Variants in POF1B observed in about 807,000 individuals in gnomAD.
POF1B encodes protein POF1B.
In POF1B, 53 loss-of-function variants were observed where a neutral mutation model predicts 55.3. The observed-to-expected ratio is 0.96, with a 90% CI of 0.77 to 1.20. POF1B has a LOEUF of 1.20. POF1B is among the 50% of genes most tolerant of loss of function. The probability of loss-of-function intolerance (pLI) is 0.00; values close to 1 mark genes in which losing one functional copy is unlikely to be tolerated. For missense variants in POF1B, 478 were observed against 420.5 expected (o/e 1.14, Z -1.20); for synonymous variants, 188 against 148.3 (o/e 1.27, Z -1.95).
chrX:85,315,874 G>A (rs1028185112), intron 7 of POF1B, 140 bp from the exon 8 acceptor site: 1 of 473,118 alleles, frequency 2.1e-6, no homozygotes, highest in Admixed American at 5.6e-5. Context: ...AAGTGAAAAT[G>A]TTAAAACTAA....
intron 3 of POF1B, among the ~76,000 whole-genome samples, chrX:85,361,426 A>T (rs918009255): frequency 2.7e-5 from 3 of 111,607 alleles, no homozygotes; most frequent in African/African-American, 9.8e-5. Context: ...TCTTCTGCAT[A>T]TGGCTAGCCA....
In POF1B at chrX:85,330,134, T is replaced by C. The variant is rs12843133; in HGVS notation, c.854+815A>G. Among the ~76,000 whole-genome samples the C allele has an allele frequency of 5.7e-3, 631 of 109,964 alleles. 2 individuals are homozygous for C. Among genetic ancestry groups the C allele is most frequent in the Non-Finnish European group, 0.011 (556 of 52,701 alleles). On this transcript the variant is annotated intron_variant, in intron 7 of 16. Coordinates refer to ENST00000262753, the MANE Select transcript of POF1B (RefSeq NM_024921.4). ...TGGCCACAGATATGCTGTAATTATA[T>C]AGTAGAAGGCACCTTTTGGGGTGTA...
intron 9 of POF1B, among the ~76,000 whole-genome samples, chrX:85,311,565 G>A (rs1386501188): frequency 1.8e-5 from 2 of 111,760 alleles, no homozygotes; most frequent in Admixed American, 1.9e-4. Flanking sequence ...TGGTGCGTAT[G>A]TCCCACATTA....
chrX:85,304,274 T>A (rs1603032136), intron 14 of POF1B, 69 bp downstream of exon 14: 5 of 953,900 alleles, frequency 5.2e-6, no homozygotes, highest in African/African-American at 4.0e-5. Context: ...CCATGGGAAG[T>A]ATTTATCCTA....
intron 16 of POF1B, 63 bp from the exon 17 acceptor site, chrX:85,279,489 T>C: frequency 9.5e-7 from 1 of 1,051,426 alleles, no homozygotes; most frequent in Admixed American, 2.4e-5. Flanking sequence ...TGTTACTATA[T>C]GCAAAGTTAT....
chrX:85,365,099 A>G (rs1569298743), intron 3 of POF1B, among the ~76,000 whole-genome samples: 1 of 111,622 alleles, frequency 9.0e-6, no homozygotes, highest in Non-Finnish European at 1.9e-5. Flanking sequence ...TTTCAGCTCT[A>G]TCAGATCAGT....
chrX:85,333,002 A>G (rs184012279), intron 6 of POF1B, among the ~76,000 whole-genome samples: 6 of 111,739 alleles, frequency 5.4e-5, no homozygotes, highest in African/African-American at 1.9e-4. Context: ...TAGATAACAT[A>G]TGAAAATAGA....
At chrX:85,336,144 A>G (rs370741555) in intron 6 of POF1B, among the ~76,000 whole-genome samples, 1 of 110,872 alleles carries the variant, frequency 9.0e-6, no homozygotes, top group African/African-American at 3.3e-5. Flanking sequence ...CACTTACTAT[A>G]ATGTCCTCCT....
intron 6 of POF1B, among the ~76,000 whole-genome samples, chrX:85,338,916 T>C (rs1933121494): frequency 9.0e-6 from 1 of 111,506 alleles, no homozygotes; most frequent in Non-Finnish European, 1.9e-5. Context: ...AGATGTCAAG[T>C]AGGCAATTAA....
chrX:85,347,135 T>A (rs1936192233), intron 5 of POF1B, among the ~76,000 whole-genome samples: 1 of 111,269 alleles, frequency 9.0e-6, no homozygotes, highest in African/African-American at 3.3e-5. Context: ...CATACTTGAA[T>A]TTGCTTTCTT....
At chrX:85,331,482 A>G (rs1800890300) in intron 6 of POF1B, among the ~76,000 whole-genome samples, 2 of 111,465 alleles carry the variant, frequency 1.8e-5, no homozygotes, top group Non-Finnish European at 3.8e-5. Context: ...GTACATATTT[A>G]TGAGTTTTAC....
intron 11 of POF1B, 34 bp from the exon 12 acceptor site, chrX:85,306,367 C>A (rs1437439973): frequency 8.5e-7 from 1 of 1,175,483 alleles, no homozygotes; most frequent in Admixed American, 2.4e-5. Flanking sequence ...AAGACAAATG[C>A]ATTTTGTTTT....
intron 15 of POF1B, among the ~76,000 whole-genome samples, chrX:85,294,716 T>A (rs1932271824): frequency 9.0e-6 from 1 of 111,696 alleles, no homozygotes. Flanking sequence ...GGTATCAGGA[T>A]AATGCTGGCT....
rs1477114333 is a variant in POF1B, at chrX:85,379,316, C to T, written c.139G>A (p.Val47Ile). The T allele has an allele frequency of 4.1e-6, 5 of 1,208,037 alleles. No individual in the cohort carries two copies. The highest frequency in any genetic ancestry group is 1.8e-5 in the African/African-American group (1 of 56,590). Residue 47 changes from valine (V) to isoleucine (I), a missense_variant, in exon 2 of 17, where the codon GTA (valine) becomes ATA (isoleucine). Transcript: ENST00000262753. ...SQAQQPPEKN[V>I]VYERVRTYSG... is the part of the protein sequence containing the mutation. ...TAGGTCCTCACTCGCTCATACACTACATTTTTTTCTGGAGGCTGCTGGGCT... is the reference window on the plus strand; with the variant it reads ...TAGGTCCTCACTCGCTCATACACTATATTTTTTTCTGGAGGCTGCTGGGCT...
chrX:85,349,787 C>G (rs1159785604), intron 5 of POF1B, among the ~76,000 whole-genome samples: 1 of 111,154 alleles, frequency 9.0e-6, no homozygotes, highest in African/African-American at 3.3e-5. Flanking sequence ...GCCTCCAGAA[C>G]TGTGAGACAA....
intron 3 of POF1B, among the ~76,000 whole-genome samples, 175 bp from the exon 4 acceptor site, chrX:85,359,805 GT>G (rs1315583657): frequency 9.0e-6 from 1 of 111,122 alleles, no homozygotes; most frequent in Non-Finnish European, 1.9e-5. Context: ...AAAAGCATGT[GT>G]TCTGTGCCCA....
chrX:85,326,398 C>T (rs1932897477), intron 7 of POF1B, among the ~76,000 whole-genome samples: 1 of 109,820 alleles, frequency 9.1e-6, no homozygotes, highest in Non-Finnish European at 1.9e-5. Context: ...TGCGGATTCA[C>T]ACAGGCGGCA....
At chrX:85,312,268 G>T (rs1485967425) in intron 9 of POF1B, among the ~76,000 whole-genome samples, 2 of 111,680 alleles carry the variant, frequency 1.8e-5, no homozygotes, top group African/African-American at 6.5e-5. Flanking sequence ...GTCCTGAATG[G>T]TATTGCCTAG....
intron 4 of POF1B, among the ~76,000 whole-genome samples, chrX:85,357,800 C>A (rs950857751): frequency 2.7e-5 from 3 of 111,288 alleles, no homozygotes; most frequent in African/African-American, 9.8e-5. Flanking sequence ...TCAATGATAC[C>A]TTTAAGAGGA....
Sources: allele counts gnomAD v4.1 joint callset (sites outside exome capture counted in the v4.1 genomes callset), GRCh38; gene constraint gnomAD v4.1.1; transcripts MANE v1.5; gene names NCBI Gene and HGNC (gene_info 2026-07-23, HGNC 2026-07-21).